Variants in GFPT1 observed in about 807,000 individuals in gnomAD.
GFPT1 encodes the protein glutamine--fructose-6-phosphate aminotransferase [isomerizing] 1.
In GFPT1, 40 loss-of-function variants were observed where a neutral mutation model predicts 92.0. That is an observed-to-expected ratio of 0.43 (90% confidence interval 0.34 to 0.57). The LOEUF is 0.57. Among genes scored for constraint, GFPT1 ranks in the 20% least tolerant of loss-of-function variants. The probability of loss-of-function intolerance (pLI) is 0.02; values close to 1 mark genes in which losing one functional copy is unlikely to be tolerated. For missense variants in GFPT1, 448 were observed against 869.1 expected, an observed-to-expected ratio of 0.52 and a Z score of 6.09; for synonymous variants, 269 against 280.6, an observed-to-expected ratio of 0.96 and a Z score of 0.41.
intron 5 of GFPT1, among the ~76,000 whole-genome samples, 163 bp from the exon 6 acceptor site, chr2:69,358,626 AAC>A (rs923518207): frequency 6.6e-6 from 1 of 152,240 alleles, no homozygotes; most frequent in African/African-American, 2.4e-5. Flanking sequence ...GTGACTCTAA[AAC>A]AGTGTGGGAC....
chr2:69,353,117 T>C (rs886517717), intron 9 of GFPT1, among the ~76,000 whole-genome samples: 2 of 152,072 alleles, frequency 1.3e-5, no homozygotes, highest in African/African-American at 4.8e-5. Flanking sequence ...ACTTCTGGGC[T>C]GGGCACAGTG....
chr2:69,370,260 G>A, intron 2 of GFPT1, 152 bp from the exon 3 acceptor site: 1 of 651,716 alleles, frequency 1.5e-6, no homozygotes, highest in Non-Finnish European at 2.7e-6. Context: ...CCTATTGTGT[G>A]TCAAGAACCA....
intron 11 of GFPT1, among the ~76,000 whole-genome samples, chr2:69,346,888 C>A (rs1671094885): frequency 6.6e-6 from 1 of 151,746 alleles, no homozygotes; most frequent in Non-Finnish European, 1.5e-5. Flanking sequence ...CACTACCATG[C>A]CCGGCTCATA....
At chr2:69,372,826 A>G (rs1671783787) in intron 2 of GFPT1, among the ~76,000 whole-genome samples, 2 of 152,180 alleles carry the variant, frequency 1.3e-5, no homozygotes, top group Admixed American at 1.3e-4. Context: ...GAGTTAACAC[A>G]GCAGGTGTGA....
intron 1 of GFPT1, among the ~76,000 whole-genome samples, chr2:69,379,999 A>C (rs923248408): frequency 6.6e-6 from 1 of 151,716 alleles, no homozygotes; most frequent in African/African-American, 2.4e-5. Context: ...GATTACAGGC[A>C]TGAGCCAATG....
rs1490495194 is a variant in GFPT1 at position 69,323,277 on chromosome 2, A to T, written c.*2912T>A. 1 of 152,224 alleles carries T rather than the reference A, an allele frequency of 6.6e-6. No individual in the cohort carries two copies. The highest frequency in any genetic ancestry group is 2.4e-5 in the African/African-American group (1 of 41,442). The allele number at this position is 152,224 out of a possible 1,614,324, so 9.4% of individuals were successfully genotyped here. ...GAATTAAAACTTTAAATGTACTACA[A>T]GAAAGAACTTTTTATATGAAGGATT... On this transcript the variant is annotated 3_prime_UTR_variant, in exon 20 of 20. Transcript: ENST00000357308.
At chr2:69,362,821 AAAT>A in intron 4 of GFPT1, among the ~76,000 whole-genome samples, 1 of 152,282 alleles carries the variant, frequency 6.6e-6, no homozygotes, top group South Asian at 2.1e-4. Context: ...AAAATAAAAA[AAAT>A]GTTTCTAAAA....
rs5831970 is a variant in GFPT1, at chr2:69,374,319, C to CT, written c.8-207dup. 0.64 allele frequency among the ~76,000 whole-genome samples: 91,905 copies of CT among 144,278 alleles called. 29,986 individuals carry two copies. Among genetic ancestry groups the CT allele is most frequent in the African/African-American group, 0.81 (31,516 of 39,124 alleles). The allele number at this position is 144,278 out of a possible 152,430, so 94.7% of individuals were successfully genotyped here. Reference sequence around the variant, plus strand: ...TCAAAATACACATTTATAATTTTTTCTTTTTTTTTTTTGAGACAGAGTCTC... The same window carrying CT: ...TCAAAATACACATTTATAATTTTTTCTTTTTTTTTTTTTGAGACAGAGTCTC... On this transcript the variant is annotated intron_variant, in intron 1 of 19. Coordinates refer to ENST00000357308, the MANE Select transcript of GFPT1 (RefSeq NM_001244710.2).
intron 15 of GFPT1, 85 bp downstream of exon 15, chr2:69,337,813 A>G: frequency 9.1e-7 from 1 of 1,098,782 alleles, no homozygotes. Context: ...GCTAACAAAA[A>G]TAAGATACAG....
At chr2:69,333,187 C>T (rs1421384120) in intron 15 of GFPT1, among the ~76,000 whole-genome samples, 4 of 152,174 alleles carry the variant, frequency 2.6e-5, no homozygotes, top group Non-Finnish European at 5.9e-5. Context: ...AATCACAAAA[C>T]ATACTACCAG....
At chr2:69,361,787 T>C (rs1671477793) in intron 4 of GFPT1, among the ~76,000 whole-genome samples, 1 of 152,114 alleles carries the variant, frequency 6.6e-6, no homozygotes, top group African/African-American at 2.4e-5. Context: ...GTAACCAGCC[T>C]GAGCAACAAA....
At position 69,348,216 on chromosome 2, in the gene GFPT1, G is replaced by T. The variant is rs375268742; in HGVS notation, c.964C>A (p.Arg322=). ...IKRTAGDHPG[R]AVQTLQMELQ... ...TCCATCTGGAGTGTTTGCACAGCTC[G>T]TCCGGGGTGATCTCCTGCAGTTCGT... is the stretch of plus-strand genomic sequence containing the variant. Residue 322 remains arginine (R), a synonymous_variant, in exon 11 of 20, where the codon CGA becomes AGA. Coordinates refer to ENST00000357308, the MANE Select transcript of GFPT1 (RefSeq NM_001244710.2). 1 of 1,613,824 alleles carries T rather than the reference G, an allele frequency of 6.2e-7. No homozygotes were observed. Among genetic ancestry groups the T allele is most frequent in the East Asian group, 2.2e-5 (1 of 44,876 alleles).
intron 13 of GFPT1, among the ~76,000 whole-genome samples, chr2:69,341,078 C>T (rs1430616018): frequency 6.6e-6 from 1 of 151,516 alleles, no homozygotes; most frequent in Non-Finnish European, 1.5e-5. Flanking sequence ...CCTGCCTCAG[C>T]CTCCCAAGTA....
chr2:69,368,227 G>A (rs1031801734), intron 3 of GFPT1, among the ~76,000 whole-genome samples: 3 of 151,634 alleles, frequency 2.0e-5, no homozygotes, highest in Non-Finnish European at 4.4e-5. Flanking sequence ...CTAAAAATAC[G>A]AAATAATTAG....
intron 13 of GFPT1, among the ~76,000 whole-genome samples, chr2:69,339,523 T>C (rs187776976): frequency 3.3e-5 from 5 of 152,298 alleles, no homozygotes; most frequent in African/African-American, 4.8e-5. Context: ...AATTATCTTT[T>C]AGGCAGCAAA....
intron 13 of GFPT1, among the ~76,000 whole-genome samples, chr2:69,340,272 C>G (rs1307869722): frequency 2.0e-5 from 3 of 151,624 alleles, no homozygotes; most frequent in Non-Finnish European, 4.4e-5. Flanking sequence ...AAGTGATCCT[C>G]CTGCCCCAGC....
At chr2:69,354,456 T>C (rs1287939224) in intron 8 of GFPT1, 33 bp downstream of exon 8, 1 of 1,358,536 alleles carries the variant, frequency 7.4e-7, no homozygotes. Context: ...ATTCTTCATA[T>C]CTACTGCACT....
At chr2:69,363,726 T>C (rs977070582) in intron 3 of GFPT1, 56 bp from the exon 4 acceptor site, 6 of 1,190,240 alleles carry the variant, frequency 5.0e-6, no homozygotes, top group African/African-American at 4.5e-5. Context: ...GAGATAATGC[T>C]ATAAGCTATA....
intron 18 of GFPT1, 134 bp from the exon 19 acceptor site, chr2:69,327,209 A>G: frequency 1.3e-6 from 1 of 763,214 alleles, no homozygotes; most frequent in Non-Finnish European, 2.3e-6. Context: ...ATTCCTGTGT[A>G]GTAAATCTGA....
Sources: gnomAD v4.1 joint callset for allele counts (sites outside exome capture counted in the v4.1 genomes callset) on GRCh38, gnomAD v4.1.1 for gene constraint, MANE v1.5 for transcripts, NCBI Gene and HGNC (gene_info 2026-07-23, HGNC 2026-07-21) for gene names.